Variants in PPARG observed in about 807,000 individuals in gnomAD.
PPARG encodes the protein peroxisome proliferator-activated receptor gamma.
PPARG carries 17 observed loss-of-function variants against 39.2 expected under a neutral mutation model. The observed-to-expected ratio is 0.43, with a 90% confidence interval of 0.30 to 0.65. PPARG has a LOEUF of 0.65. Among genes scored for constraint, PPARG ranks in the 30% least tolerant of loss-of-function variants. PPARG has a pLI of 0.13. For synonymous variants in PPARG, 223 were observed against 215.7 expected (o/e 1.03, Z -0.30); for missense variants, 406 against 585.9 (o/e 0.69, Z 3.17).
At chr3:12,326,512 T>C (rs948212877) in intron 2 of PPARG, among the ~76,000 whole-genome samples, 1 of 152,224 alleles carries the variant, frequency 6.6e-6, no homozygotes, top group Non-Finnish European at 1.5e-5. Context: ...TATGCTACTT[T>C]CCAGAATATT....
chr3:12,408,907 TG>T (rs1360710820), intron 6 of PPARG, among the ~76,000 whole-genome samples: 1 of 152,206 alleles, frequency 6.6e-6, no homozygotes, highest in Admixed American at 6.5e-5. Flanking sequence ...CTCTTATCTG[TG>T]TTACTGGAGG....
intron 2 of PPARG, among the ~76,000 whole-genome samples, chr3:12,376,684 C>T (rs2049425220): frequency 6.6e-6 from 1 of 152,136 alleles, no homozygotes; most frequent in Non-Finnish European, 1.5e-5. Context: ...GTAGGATGTA[C>T]CGGGCACATG....
intron 5 of PPARG, among the ~76,000 whole-genome samples, chr3:12,398,249 A>G (rs917730076): frequency 6.6e-6 from 1 of 152,200 alleles, no homozygotes; most frequent in Non-Finnish European, 1.5e-5. Context: ...ATGCAATATT[A>G]GGAAATAAGA....
At chr3:12,376,218 G>A (rs1020356840) in intron 2 of PPARG, among the ~76,000 whole-genome samples, 4 of 152,102 alleles carry the variant, frequency 2.6e-5, no homozygotes, top group Admixed American at 1.3e-4. Context: ...CAAAGTGCTG[G>A]AATTACAGGT....
At chr3:12,357,205 T>C (rs1213717833) in intron 2 of PPARG, among the ~76,000 whole-genome samples, 1 of 151,624 alleles carries the variant, frequency 6.6e-6, no homozygotes, top group African/African-American at 2.4e-5. Context: ...CCTGCAGTGG[T>C]TCCCCATTTC....
intron 1 of PPARG, among the ~76,000 whole-genome samples, chr3:12,300,248 C>T (rs2124950287): frequency 6.6e-6 from 1 of 152,284 alleles, no homozygotes; most frequent in Middle Eastern, 3.4e-3. Context: ...AATGACCACT[C>T]ATTAAACCTG....
intron 2 of PPARG, among the ~76,000 whole-genome samples, chr3:12,358,345 G>C (rs770631749): frequency 6.6e-6 from 1 of 152,150 alleles, no homozygotes; most frequent in African/African-American, 2.4e-5. Flanking sequence ...AGCACTTAAA[G>C]TATTAATTGC....
chr3:12,381,519 AT>A (rs2049660580), intron 4 of PPARG, 28 bp downstream of exon 4: 1 of 1,606,714 alleles, frequency 6.2e-7, no homozygotes, highest in Non-Finnish European at 8.5e-7. Flanking sequence ...CTTCAAAGAA[AT>A]TGTTGAAACT....
chr3:12,419,779 A>G (rs1483175860), intron 7 of PPARG, among the ~76,000 whole-genome samples: 1 of 152,060 alleles, frequency 6.6e-6, no homozygotes, highest in Non-Finnish European at 1.5e-5. Context: ...TTTATCTACT[A>G]TTTTAAGGCA....
chr3:12,433,892 C>A lies in PPARG; in HGVS notation c.1181-6C>A, dbSNP rs373794365. On this transcript the variant is annotated splice_polypyrimidine_tract_variant and splice_region_variant and intron_variant, in intron 7 of 7. Transcript: ENST00000651735. ...CCTGTTGTGTTTTCCATATGTGCTT[C>A]CCCAGACCGCCCAGGTTTGCTGAAT... 8 of 1,614,006 alleles carry A rather than the reference C, an allele frequency of 5.0e-6. No individual in the cohort carries two copies. In the African/African-American group the frequency reaches 1.1e-4, roughly 22 times the overall value.
chr3:12,380,049 A>G (rs1245549481), intron 3 of PPARG, 118 bp downstream of exon 3: 4 of 900,482 alleles, frequency 4.4e-6, no homozygotes, highest in Admixed American at 4.0e-5. Context: ...GGCATTCACC[A>G]TTCATTTATT....
intron 5 of PPARG, among the ~76,000 whole-genome samples, chr3:12,403,039 T>G (rs2050532990): frequency 6.6e-6 from 1 of 152,106 alleles, no homozygotes; most frequent in Non-Finnish European, 1.5e-5. Flanking sequence ...ATGCCTGTAA[T>G]CCCATCTCTT....
intron 1 of PPARG, among the ~76,000 whole-genome samples, chr3:12,299,200 C>T (rs1400401875): frequency 6.6e-6 from 1 of 152,138 alleles, no homozygotes; most frequent in East Asian, 1.9e-4. Flanking sequence ...GTGCCACAAG[C>T]TGTTTCAGAT....
chr3:12,339,433 C>T (rs960446438), intron 2 of PPARG, among the ~76,000 whole-genome samples: 7 of 152,142 alleles, frequency 4.6e-5, no homozygotes, highest in Non-Finnish European at 1.5e-5. Flanking sequence ...CGTTGAATTG[C>T]ACATTCAAAA....
intron 7 of PPARG, among the ~76,000 whole-genome samples, chr3:12,425,116 T>G (rs1275427518): frequency 6.6e-6 from 1 of 152,034 alleles, no homozygotes; most frequent in African/African-American, 2.4e-5. Flanking sequence ...GGGGATTAGG[T>G]GTGGATTGAG....
intron 7 of PPARG, among the ~76,000 whole-genome samples, chr3:12,425,662 T>G (rs1021127441): frequency 1.3e-5 from 2 of 152,164 alleles, no homozygotes; most frequent in Non-Finnish European, 2.9e-5. Context: ...CCCAGTCAGA[T>G]TCCTTCTTGG....
chr3:12,426,996 A>G (rs977877868), intron 7 of PPARG, among the ~76,000 whole-genome samples: 1 of 152,184 alleles, frequency 6.6e-6, no homozygotes, highest in Non-Finnish European at 1.5e-5. Context: ...GTGAATCAGA[A>G]TCTCTAGGGA....
At chr3:12,293,018 G>A (rs2046687132) in intron 1 of PPARG, among the ~76,000 whole-genome samples, 1 of 152,178 alleles carries the variant, frequency 6.6e-6, no homozygotes, top group South Asian at 2.1e-4. Flanking sequence ...GTCCGGGAGT[G>A]GGGAGCCGTG....
chr3:12,425,526 G>A (rs552059772), intron 7 of PPARG, among the ~76,000 whole-genome samples: 3 of 152,022 alleles, frequency 2.0e-5, no homozygotes, highest in African/African-American at 2.4e-5. Context: ...CCAGAGCATC[G>A]CAGGGTAGAG....
Sources: gnomAD v4.1 joint callset for allele counts (sites outside exome capture counted in the v4.1 genomes callset) on GRCh38, gnomAD v4.1.1 for gene constraint, MANE v1.5 for transcripts, NCBI Gene and HGNC (gene_info 2026-07-23, HGNC 2026-07-21) for gene names.